CSMD1: variants seen among roughly 807,000 people sequenced by gnomAD.
CSMD1 encodes CUB and Sushi multiple domains 1.
A neutral mutation model predicts 417.5 loss-of-function variants in CSMD1; 213 were observed. The observed-to-expected ratio is 0.51, with a 90% CI of 0.46 to 0.57. CSMD1 has a LOEUF of 0.57. Among genes scored for constraint, CSMD1 ranks in the 20% least tolerant of loss-of-function variants. The probability of loss-of-function intolerance (pLI) is 0.00; values close to 1 mark genes in which losing one functional copy is unlikely to be tolerated. For synonymous variants in CSMD1, 2,862 were observed against 1,736.8 expected (o/e 1.65, Z -16.11); for missense variants, 6,923 against 4,529.7 (o/e 1.53, Z -15.17).
chr8:4,257,577 A>G (rs534165114), intron 3 of CSMD1, among the ~76,000 whole-genome samples: 1 of 152,342 alleles, frequency 6.6e-6, no homozygotes, highest in South Asian at 2.1e-4. Flanking sequence ...AGAGATTTAT[A>G]AAATTCTCTC....
chr8:3,040,571 G>A (rs542481510), intron 50 of CSMD1, among the ~76,000 whole-genome samples: 35 of 151,988 alleles, frequency 2.3e-4, no homozygotes, highest in African/African-American at 7.2e-4. Context: ...TTGGGAGGAC[G>A]AGGCAGGTGG....
intron 3 of CSMD1, among the ~76,000 whole-genome samples, chr8:4,052,557 G>A (rs920362423): frequency 6.6e-6 from 1 of 151,990 alleles, no homozygotes; most frequent in Non-Finnish European, 1.5e-5. Context: ...ATTTGAGGAA[G>A]CAAGCTGAGA....
intron 4 of CSMD1, among the ~76,000 whole-genome samples, chr8:4,003,761 C>A (rs1322944930): frequency 1.3e-5 from 2 of 152,100 alleles, no homozygotes; most frequent in African/African-American, 4.8e-5. Context: ...GGCTCATATA[C>A]GCCGGCAAAT....
rs114584569 is a variant in CSMD1 at position 4,070,708 on chromosome 8, G to A, written c.416-38609C>T. 8.3e-3 allele frequency among the ~76,000 whole-genome samples: 1,262 copies of A among 152,166 alleles called. 19 individuals carry two copies. The highest frequency in any genetic ancestry group is 0.028 in the African/African-American group (1,156 of 41,536). On this transcript the variant is annotated intron_variant, in intron 3 of 69. Transcript: ENST00000635120. ...ACTGAAGATCCAAGTTTTCACCACA[G>A]GTTGTTTCCATGAAGCCCGAGCAAC...
chr8:3,710,436 G>C (rs574617406), intron 6 of CSMD1, among the ~76,000 whole-genome samples: 62 of 152,260 alleles, frequency 4.1e-4, no homozygotes, highest in African/African-American at 1.4e-3. Context: ...TTAGTATGGT[G>C]TCCTGAGCCC....
intron 37 of CSMD1, among the ~76,000 whole-genome samples, chr8:3,174,085 A>C (rs1156414873): frequency 3.3e-5 from 5 of 152,244 alleles, no homozygotes; most frequent in African/African-American, 1.2e-4. Context: ...TTAATGGCAC[A>C]TTCATAAGAA....
chr8:4,956,599 A>C (rs571013710), intron 1 of CSMD1, among the ~76,000 whole-genome samples: 1 of 150,740 alleles, frequency 6.6e-6, no homozygotes, highest in Non-Finnish European at 1.5e-5. Context: ...ATCATAACAG[A>C]TATTTTTATT....
chr8:4,101,277 T>G (rs1026217564), intron 3 of CSMD1, among the ~76,000 whole-genome samples: 1 of 152,216 alleles, frequency 6.6e-6, no homozygotes, highest in African/African-American at 2.4e-5. Context: ...ACTTTGGTGT[T>G]CTTCCAAACT....
Position 3,510,267 on chromosome 8 carries a change from C to A in CSMD1, c.1345-16541G>T, listed in dbSNP as rs1398377866. ...CCTTCTGCGCCGCGTCCCTTGCCTG[C>A]AGCCCAGGCTTCTCACTCCACATGG... On this transcript the variant is annotated intron_variant, in intron 10 of 69. Coordinates refer to ENST00000635120, the MANE Select transcript of CSMD1 (RefSeq NM_033225.6). Among the ~76,000 whole-genome samples, 6 of 151,970 alleles carry A rather than the reference C, an allele frequency of 3.9e-5. No individual in the cohort carries two copies. In the East Asian group the frequency reaches 1.2e-3, roughly 29 times the overall value.
intron 5 of CSMD1, among the ~76,000 whole-genome samples, chr8:3,807,425 G>C (rs1196247158): frequency 7.7e-6 from 1 of 129,490 alleles, no homozygotes. Context: ...TGTTTTCTCT[G>C]ATTTTTTTTA....
At chr8:3,223,204 G>C (rs547033774) in intron 28 of CSMD1, among the ~76,000 whole-genome samples, 6 of 152,238 alleles carry the variant, frequency 3.9e-5, no homozygotes, top group Admixed American at 2.6e-4. Flanking sequence ...GTCTAGTTTA[G>C]CAAGTACAAG....
At chr8:3,935,227 C>T (rs1185576225) in intron 5 of CSMD1, among the ~76,000 whole-genome samples, 3 of 152,094 alleles carry the variant, frequency 2.0e-5, no homozygotes, top group Non-Finnish European at 4.4e-5. Context: ...AAATGGAAAT[C>T]GTTCTTAAAA....
chr8:4,879,699 A>G (rs1585254228), intron 1 of CSMD1, among the ~76,000 whole-genome samples: 1 of 151,632 alleles, frequency 6.6e-6, no homozygotes, highest in Admixed American at 6.6e-5. Flanking sequence ...GAGGTGGAGC[A>G]CTGCGAAAAA....
At chr8:4,128,337 A>C (rs1647341) in intron 3 of CSMD1, among the ~76,000 whole-genome samples, 5 of 152,166 alleles carry the variant, frequency 3.3e-5, no homozygotes, top group Non-Finnish European at 1.5e-5. Context: ...ATGAGGAGAC[A>C]AGAACGTGAA....
At chr8:3,207,191 G>C (rs2116768623) in intron 30 of CSMD1, among the ~76,000 whole-genome samples, 1 of 136,912 alleles carries the variant, frequency 7.3e-6, no homozygotes, top group South Asian at 2.3e-4. Flanking sequence ...CTGTCACCCA[G>C]GCTGGAGTAC....
At chr8:4,796,871 C>G (rs569161499) in intron 1 of CSMD1, among the ~76,000 whole-genome samples, 11 of 152,134 alleles carry the variant, frequency 7.2e-5, no homozygotes, top group Non-Finnish European at 1.3e-4. Flanking sequence ...TCAGGCAAGC[C>G]GCACATATGC....
chr8:4,404,018 G>A (rs573141831), intron 3 of CSMD1, among the ~76,000 whole-genome samples: 3 of 152,126 alleles, frequency 2.0e-5, no homozygotes, highest in Non-Finnish European at 4.4e-5. Context: ...AACTCGATTG[G>A]TATTAAAGTT....
At chr8:4,175,898 C>T (rs1798011897) in intron 3 of CSMD1, among the ~76,000 whole-genome samples, 1 of 152,066 alleles carries the variant, frequency 6.6e-6, no homozygotes, top group Non-Finnish European at 1.5e-5. Flanking sequence ...GATTTCTAGT[C>T]CTAATTACCA....
At chr8:3,097,124 C>T (rs1204469676) in intron 46 of CSMD1, 87 bp from the exon 47 acceptor site, 3 of 1,107,236 alleles carry the variant, frequency 2.7e-6, no homozygotes, top group Non-Finnish European at 2.5e-6. Context: ...ATAAACAAGT[C>T]AATGAAAGGA....
Sources: gnomAD v4.1 joint callset for allele counts (sites outside exome capture counted in the v4.1 genomes callset) on GRCh38, gnomAD v4.1.1 for gene constraint, MANE v1.5 for transcripts, NCBI Gene and HGNC (gene_info 2026-07-23, HGNC 2026-07-21) for gene names.